Variants in PCDH11X observed in about 807,000 individuals in gnomAD.
PCDH11X encodes protocadherin-11 X-linked.
Under a neutral mutation model 53.3 loss-of-function variants are expected in PCDH11X, and 18 were observed. The ratio of observed to expected loss-of-function variants is 0.34; its 90% CI spans 0.23 to 0.50. The LOEUF (loss-of-function observed/expected upper bound fraction) is 0.50. Among genes scored for constraint, PCDH11X ranks in the 20% least tolerant of loss-of-function variants. PCDH11X has a pLI of 0.98. For missense variants in PCDH11X, 570 were observed against 1,032.4 expected (o/e 0.55, Z 6.14); for synonymous variants, 279 against 393.3 (o/e 0.71, Z 3.44).
chrX:91,928,206 C>G (rs948764015), intron 6 of PCDH11X, among the ~76,000 whole-genome samples: 18 of 107,835 alleles, frequency 1.7e-4, no homozygotes, highest in Non-Finnish European at 2.9e-4. Flanking sequence ...ATAAAAAAGA[C>G]CAAGCTACTT....
intron 9 of PCDH11X, among the ~76,000 whole-genome samples, chrX:92,442,504 C>T (rs1286197947): frequency 8.9e-6 from 1 of 111,740 alleles, no homozygotes; most frequent in African/African-American, 3.3e-5. Flanking sequence ...ACAAGCTATT[C>T]CTTTGCCTGC....
chrX:91,790,240 C>A (rs1935485195), intron 1 of PCDH11X, among the ~76,000 whole-genome samples: 1 of 112,297 alleles, frequency 8.9e-6, no homozygotes, highest in South Asian at 3.7e-4. Flanking sequence ...GAATAACAAC[C>A]AGTTGCTTGT....
intron 9 of PCDH11X, among the ~76,000 whole-genome samples, chrX:92,466,605 T>A (rs1185547808): frequency 9.1e-6 from 1 of 110,233 alleles, no homozygotes; most frequent in Non-Finnish European, 1.9e-5. Context: ...TTAAGGAAAA[T>A]TAATCAATAT....
chrX:91,850,688 C>T (rs1257962819), intron 5 of PCDH11X, among the ~76,000 whole-genome samples: 1 of 111,502 alleles, frequency 9.0e-6, no homozygotes, highest in African/African-American at 3.3e-5. Context: ...CCAAATACAA[C>T]ATTTGTATTA....
chrX:92,459,911 C>A, intron 9 of PCDH11X: 2 of 1,173,999 alleles, frequency 1.7e-6, no homozygotes, highest in Non-Finnish European at 2.3e-6. Context: ...AACAAGAAGA[C>A]CATGCAAAGC....
intron 8 of PCDH11X, among the ~76,000 whole-genome samples, chrX:92,280,785 T>A (rs1305877070): frequency 5.5e-5 from 6 of 108,541 alleles, no homozygotes; most frequent in African/African-American, 1.0e-4. Context: ...TCAAATATAT[T>A]TTTTTTAAAA....
chrX:92,202,527 G>A (rs974272643), intron 7 of PCDH11X, among the ~76,000 whole-genome samples: 2 of 111,007 alleles, frequency 1.8e-5, no homozygotes, highest in Admixed American at 1.9e-4. Flanking sequence ...CATTCCTGGG[G>A]GAGAAGCATC....
chrX:92,179,186 C>A (rs997417296), intron 6 of PCDH11X, among the ~76,000 whole-genome samples: 1 of 112,194 alleles, frequency 8.9e-6, no homozygotes, highest in Non-Finnish European at 1.9e-5. Flanking sequence ...CAAAAGCTGA[C>A]TATTTCGATC....
intron 6 of PCDH11X, among the ~76,000 whole-genome samples, chrX:91,975,800 T>C (rs781540785): frequency 1.4e-3 from 150 of 111,017 alleles, no homozygotes; most frequent in Non-Finnish European, 1.8e-3. Flanking sequence ...GTTTACTGAC[T>C]TGTGAGAACA....
At chrX:92,557,635 C>CCCTCCAAG (rs1172726773) in intron 10 of PCDH11X, among the ~76,000 whole-genome samples, 4 of 109,302 alleles carry the variant, frequency 3.7e-5, no homozygotes, top group Non-Finnish European at 7.6e-5. Flanking sequence ...TACTTCTGAG[C>CCCTCCAAG]CCTCCAAGCC....
chrX:91,941,196 A>G (rs2061504795), intron 6 of PCDH11X, among the ~76,000 whole-genome samples: 2 of 111,288 alleles, frequency 1.8e-5, no homozygotes. Context: ...AAAACGGGAA[A>G]GACATAGGAC....
intron 10 of PCDH11X, among the ~76,000 whole-genome samples, chrX:92,617,850 ATTTT>A (rs1168224798): frequency 9.0e-6 from 1 of 110,983 alleles, no homozygotes; most frequent in East Asian, 2.8e-4. Flanking sequence ...TTAGCTAACT[ATTTT>A]TTAGCTATAA....
At chrX:92,618,176 AC>A (rs1569510987) in intron 10 of PCDH11X, 87 bp from the exon 11 acceptor site, 1 of 1,117,377 alleles carries the variant, frequency 8.9e-7, no homozygotes, top group African/African-American at 1.8e-5. Flanking sequence ...ATAGGTTGTT[AC>A]CTTTTTTGTC....
intron 9 of PCDH11X, among the ~76,000 whole-genome samples, chrX:92,463,125 T>G (rs1350501833): frequency 1.8e-5 from 2 of 108,943 alleles, no homozygotes; most frequent in African/African-American, 3.4e-5. Flanking sequence ...AGGTGGAAAT[T>G]TTTGCCTTAT....
At position 92,211,540 on chromosome X, in the gene PCDH11X, A is replaced by C. The variant is rs374304031; in HGVS notation, c.3114+10085A>C. Among the ~76,000 whole-genome samples the C allele has an allele frequency of 2.7e-5, 3 of 112,015 alleles. No individual in the cohort carries two copies. In the East Asian group the frequency reaches 8.5e-4, roughly 32 times the overall value. On this transcript the variant is annotated intron_variant, in intron 7 of 10. Coordinates refer to ENST00000682573, the MANE Select transcript of PCDH11X (RefSeq NM_032968.5). ...GTTGAGAAAAACTAAGAGTGATGGAATGTGAGAATTAGCAGTGTTGATGAA... is the reference window on the plus strand; with the variant it reads ...GTTGAGAAAAACTAAGAGTGATGGACTGTGAGAATTAGCAGTGTTGATGAA...
intron 6 of PCDH11X, among the ~76,000 whole-genome samples, chrX:91,904,199 T>C (rs957806486): frequency 9.0e-6 from 1 of 111,258 alleles, no homozygotes; most frequent in African/African-American, 3.3e-5. Flanking sequence ...GCAAAGGTAA[T>C]TGTGGTTTTT....
chrX:92,456,423 T>G (rs1158807698), intron 9 of PCDH11X, among the ~76,000 whole-genome samples: 6 of 111,495 alleles, frequency 5.4e-5, no homozygotes, highest in Non-Finnish European at 7.6e-5. Flanking sequence ...GAATCAAATT[T>G]ATAGTGTATT....
At position 92,447,049 on chromosome X, in the gene PCDH11X, A is replaced by G. The variant is rs771881780; in HGVS notation, c.3344-21250A>G. Among the ~76,000 whole-genome samples the G allele has an allele frequency of 3.6e-5, 4 of 111,985 alleles. No homozygotes were observed. In the South Asian group the frequency reaches 1.5e-3, roughly 42 times the overall value. On this transcript the variant is annotated intron_variant, in intron 9 of 10. Transcript: ENST00000682573. ...GAACTTGAGAGAGATGATTTAAGGT[A>G]TCTAGCAGAAGAAATTTCTAAGTGG...
intron 10 of PCDH11X, among the ~76,000 whole-genome samples, chrX:92,525,126 T>C (rs2074427176): frequency 2.7e-5 from 3 of 112,190 alleles, no homozygotes; most frequent in African/African-American, 9.7e-5. Context: ...AACCTTTGTA[T>C]CTATGCAGTA....
Sources: gnomAD v4.1 joint callset for allele counts (sites outside exome capture counted in the v4.1 genomes callset) on GRCh38, gnomAD v4.1.1 for gene constraint, MANE v1.5 for transcripts, NCBI Gene and HGNC (gene_info 2026-07-23, HGNC 2026-07-21) for gene names.